Variants in PRDX6 observed in about 807,000 individuals in gnomAD.
The protein encoded by PRDX6 is peroxiredoxin-6.
In PRDX6, 13 loss-of-function variants were observed where a neutral mutation model predicts 20.0. That is an observed-to-expected ratio of 0.65 (90% CI 0.42 to 1.03). The LOEUF (loss-of-function observed/expected upper bound fraction) is 1.03, where lower values mean the gene tolerates loss of function less well. Ranked by LOEUF, PRDX6 falls within the 50% of genes least tolerant of loss-of-function variation. The pLI is 0.00. For synonymous variants in PRDX6, 85 were observed against 100.8 expected (o/e 0.84, Z 0.94); for missense variants, 203 against 276.9 (o/e 0.73, Z 1.89).
rs1231778337 is a variant in PRDX6 at position 173,484,116 on chromosome 1, C to CAAA, written c.253-1226_253-1224dup. Among the ~76,000 whole-genome samples the CAAA allele has an allele frequency of 1.8e-3, 92 of 50,384 alleles. 2 individuals carry two copies. The highest frequency in any genetic ancestry group is 3.5e-3 in the East Asian group (6 of 1,718). 33.1% of individuals were successfully genotyped at this position (50,384 alleles called of 152,430 possible). ...CCTGGGCGACAGCAAGACTCTGTCT[C>CAAA]AAAAAAAAAAAAAAAAAAAAATTAG... On this transcript the variant is annotated intron_variant, in intron 2 of 4. Coordinates refer to ENST00000340385, the MANE Select transcript of PRDX6 (RefSeq NM_004905.3).
Position 173,486,255 on chromosome 1 carries a change from GTGTT to G in PRDX6, c.406_409del (p.Val136LeufsTer7). ...ATTTATGCCCCTCTGTGCTTTACAG[GTGTT>G]TGTTTTTGGTCCTGATAAGAAGCTG... is the stretch of plus-strand genomic sequence containing the variant. On this transcript the variant is annotated frameshift_variant and splice_region_variant, in exon 4 of 5. Transcript: ENST00000340385. LOFTEE classifies it high-confidence loss of function. 1 of 1,601,624 alleles carries G rather than the reference GTGTT, an allele frequency of 6.2e-7. No individual in the cohort carries two copies. Among genetic ancestry groups the G allele is most frequent in the South Asian group, 1.1e-5 (1 of 88,598 alleles).
At position 173,486,237 on chromosome 1, in the gene PRDX6, C is replaced by G. The variant is rs372012723; in HGVS notation, c.400-18C>G. 70 of 1,563,482 alleles carry G rather than the reference C, an allele frequency of 4.5e-5. No homozygotes were observed. Among genetic ancestry groups the G allele is most frequent in the Non-Finnish European group, 5.6e-5 (65 of 1,157,704 alleles). On this transcript the variant is annotated intron_variant, in intron 3 of 4. Transcript: ENST00000340385. Reference sequence around the variant, plus strand: ...ACTCAAAGAACTCTTCCTATTTATGCCCCTCTGTGCTTTACAGGTGTTTGT... The same window carrying G: ...ACTCAAAGAACTCTTCCTATTTATGGCCCTCTGTGCTTTACAGGTGTTTGT...
chr1:173,482,337 TCTC>T (rs1374619194), intron 2 of PRDX6, among the ~76,000 whole-genome samples: 1 of 152,176 alleles, frequency 6.6e-6, no homozygotes, highest in Non-Finnish European at 1.5e-5. Flanking sequence ...ACCATCCCCT[TCTC>T]CTCAGCACTC....
intron 2 of PRDX6, among the ~76,000 whole-genome samples, chr1:173,483,267 A>G (rs569710876): frequency 6.6e-6 from 1 of 152,352 alleles, no homozygotes; most frequent in South Asian, 2.1e-4. Context: ...AATAGGAAAA[A>G]AGTCTGAACT....
chr1:173,481,434 G>T lies in PRDX6; in HGVS notation c.204G>T (p.Leu68Phe). The change falls in exon 2 of 5, where the codon TTG (leucine) becomes TTT (phenylalanine). Residue 68 changes from leucine to phenylalanine, a missense_variant. Leu to Phe is a conservative substitution (Grantham distance 22). Coordinates refer to ENST00000340385, the MANE Select transcript of PRDX6 (RefSeq NM_004905.3). ...AATTTGCCAAGAGGAATGTTAAGTTGATTGCCCTTTCAATAGACAGTGTTG... is the reference window on the plus strand; with the variant it reads ...AATTTGCCAAGAGGAATGTTAAGTTTATTGCCCTTTCAATAGACAGTGTTG... ...APEFAKRNVK[L>F]IALSIDSVED... The T allele has an allele frequency of 1.2e-6, 2 of 1,614,120 alleles. No homozygotes were observed. The highest frequency in any genetic ancestry group is 1.7e-6 in the Non-Finnish European group (2 of 1,179,998).
At chr1:173,485,230 T>G (rs1463486521) in intron 2 of PRDX6, 131 bp from the exon 3 acceptor site, 1 of 854,844 alleles carries the variant, frequency 1.2e-6, no homozygotes, top group East Asian at 2.8e-5. Context: ...TTTTTAAAAT[T>G]AAAATTGCTT....
intron 1 of PRDX6, chr1:173,481,096 T>G (rs1658793061): frequency 2.0e-6 from 1 of 494,834 alleles, no homozygotes; most frequent in African/African-American, 1.9e-5. Context: ...TAAATATGTG[T>G]CATCTTGAAT....
chr1:173,488,555 A>G lies in PRDX6; in HGVS notation c.*692A>G, dbSNP rs549189061. On this transcript the variant is annotated 3_prime_UTR_variant, in exon 5 of 5. Transcript: ENST00000340385. ...GATAAGTTTCTATCAAAATGGGGAG[A>G]TTGCAGAAAAGGCTTCCCTTGGCTC... 7 of 152,206 alleles carry G rather than the reference A, an allele frequency of 4.6e-5. No individual in the cohort carries two copies. The highest frequency in any genetic ancestry group is 8.8e-5 in the Non-Finnish European group (6 of 68,032). The allele number at this position is 152,206 out of a possible 1,614,324, so 9.4% of individuals were successfully genotyped here.
intron 3 of PRDX6, among the ~76,000 whole-genome samples, chr1:173,485,992 C>T (rs991152364): frequency 6.6e-6 from 1 of 152,162 alleles, no homozygotes; most frequent in Admixed American, 6.5e-5. Context: ...ACAGCCTTTC[C>T]CTCGATTAAA....
At chr1:173,485,141 G>T (rs928821041) in intron 2 of PRDX6, among the ~76,000 whole-genome samples, 1 of 152,130 alleles carries the variant, frequency 6.6e-6, no homozygotes, top group African/African-American at 2.4e-5. Flanking sequence ...AACAGCTTTG[G>T]TCCATGATTA....
Position 173,486,255 on chromosome 1 carries a change from G to A in PRDX6, c.400G>A (p.Val134Met). 6.2e-7 allele frequency: 1 copy of A among 1,601,624 alleles called. No homozygotes were observed. Among genetic ancestry groups the A allele is most frequent in the Non-Finnish European group, 8.5e-7 (1 of 1,175,524 alleles). The change falls in exon 4 of 5, where the codon GTG becomes ATG. Residue 134 changes from valine to methionine, a missense_variant and splice_region_variant. By Grantham distance (21) the Val-to-Met change is conservative (BLOSUM62 1). Coordinates refer to ENST00000340385, the MANE Select transcript of PRDX6 (RefSeq NM_004905.3). Reference sequence around the variant, plus strand: ...ATTTATGCCCCTCTGTGCTTTACAGGTGTTTGTTTTTGGTCCTGATAAGAA... The same window carrying A: ...ATTTATGCCCCTCTGTGCTTTACAGATGTTTGTTTTTGGTCCTGATAAGAA... The part of the protein sequence containing the change: ...EKGMPVTARV[V>M]FVFGPDKKLK...
chr1:173,483,689 A>G (rs1238237440), intron 2 of PRDX6, among the ~76,000 whole-genome samples: 1 of 152,236 alleles, frequency 6.6e-6, no homozygotes, highest in Non-Finnish European at 1.5e-5. Flanking sequence ...TCAAGCCTAC[A>G]CACAATAGAC....
At chr1:173,483,742 T>C (rs1445039333) in intron 2 of PRDX6, among the ~76,000 whole-genome samples, 2 of 152,140 alleles carry the variant, frequency 1.3e-5, no homozygotes, top group Non-Finnish European at 2.9e-5. Flanking sequence ...CTTGCTAAAC[T>C]CTATCCAACT....
At chr1:173,487,070 A>T (rs181609486) in intron 4 of PRDX6, among the ~76,000 whole-genome samples, 1 of 152,352 alleles carries the variant, frequency 6.6e-6, no homozygotes, top group Non-Finnish European at 1.5e-5. Context: ...AGTGAATAAT[A>T]GAAAGTCCTT....
rs933423275 is a variant in PRDX6, at chr1:173,485,288, T to C, written c.253-73T>C. On this transcript the variant is annotated intron_variant, in intron 2 of 4. Coordinates refer to ENST00000340385, the MANE Select transcript of PRDX6 (RefSeq NM_004905.3). ...TCCTCTTTCCTGTCTTGCAAGGTGA[T>C]GGCTGTTAACTGATGAAATTCAGAG... 4.3e-6 allele frequency: 6 copies of C among 1,396,456 alleles called. No individual in the cohort carries two copies. In the African/African-American group the frequency reaches 4.4e-5, roughly 10 times the overall value. The allele number at this position is 1,396,456 out of a possible 1,614,324, so 86.5% of individuals were successfully genotyped here.
intron 2 of PRDX6, 22 bp downstream of exon 2, chr1:173,481,504 C>G: frequency 6.2e-7 from 1 of 1,608,796 alleles, no homozygotes. Flanking sequence ...TTGGCATGTG[C>G]TTTGAGCCTG....
At chr1:173,487,462 T>G (rs775868668) in intron 4 of PRDX6, among the ~76,000 whole-genome samples, 1 of 152,184 alleles carries the variant, frequency 6.6e-6, no homozygotes, top group African/African-American at 2.4e-5. Flanking sequence ...ACACAGGGCT[T>G]GCAGGCCATG....
intron 1 of PRDX6, 63 bp downstream of exon 1, chr1:173,477,555 C>G: frequency 7.5e-7 from 1 of 1,340,422 alleles, no homozygotes; most frequent in Admixed American, 2.0e-5. Context: ...GGTGCCTTCC[C>G]TGTTTCTTCT....
intron 1 of PRDX6, among the ~76,000 whole-genome samples, chr1:173,478,246 G>T (rs1245202172): frequency 1.3e-5 from 2 of 152,230 alleles, no homozygotes; most frequent in African/African-American, 2.4e-5. Flanking sequence ...AGAGATTCCA[G>T]AACTTGCAAC....
Sources: allele counts gnomAD v4.1 joint callset (sites outside exome capture counted in the v4.1 genomes callset), GRCh38; gene constraint gnomAD v4.1.1; transcripts MANE v1.5; gene names NCBI Gene and HGNC (gene_info 2026-07-23, HGNC 2026-07-21).